The following TBK1 variants were observed in gnomAD, a reference collection of about 807,000 sequenced individuals.
TBK1 encodes the protein serine/threonine-protein kinase TBK1.
Under a neutral mutation model 99.9 loss-of-function variants are expected in TBK1, and 37 were observed. The ratio of observed to expected loss-of-function variants is 0.37; its 90% confidence interval spans 0.28 to 0.49. The LOEUF (loss-of-function observed/expected upper bound fraction) is 0.49, where lower values mean the gene tolerates loss of function less well. TBK1 is among the 20% of genes least tolerant of loss of function. The pLI is 0.98. For missense variants in TBK1, 644 were observed against 872.5 expected (o/e 0.74, Z 3.30); for synonymous variants, 258 against 279.8 (o/e 0.92, Z 0.78).
intron 5 of TBK1, among the ~76,000 whole-genome samples, chr12:64,468,518 A>G (rs1055926878): frequency 3.3e-5 from 5 of 152,068 alleles, no homozygotes; most frequent in African/African-American, 1.2e-4. Context: ...GTACCTAAAA[A>G]TGGATTTTAT....
At chr12:64,460,848 AAAAG>A (rs962153458) in intron 3 of TBK1, among the ~76,000 whole-genome samples, 8 of 151,584 alleles carry the variant, frequency 5.3e-5, no homozygotes, top group South Asian at 2.1e-4. Flanking sequence ...AAAAAAAAAA[AAAAG>A]AAAGGATCAT....
At chr12:64,483,047 G>A (rs1262411277) in intron 8 of TBK1, among the ~76,000 whole-genome samples, 1 of 152,194 alleles carries the variant, frequency 6.6e-6, no homozygotes, top group Non-Finnish European at 1.5e-5. Context: ...TCTTAGAACT[G>A]CATGTGAATC....
chr12:64,470,449 T>C (rs1007937705), intron 5 of TBK1, among the ~76,000 whole-genome samples: 3 of 152,206 alleles, frequency 2.0e-5, no homozygotes, highest in Non-Finnish European at 4.4e-5. Flanking sequence ...ATAACTCATG[T>C]TGTATTAGTG....
Position 64,469,500 on chromosome 12 carries a change from A to G in TBK1, c.540+2418A>G, listed in dbSNP as rs191433119. ...TCATTTCTCTGTTGGTGGTCTTCTC[A>G]GTTATATTTGGCTAGACCATGCTTT... On this transcript the variant is annotated intron_variant, in intron 5 of 20. Coordinates refer to ENST00000331710, the MANE Select transcript of TBK1 (RefSeq NM_013254.4). Among the ~76,000 whole-genome samples the G allele has an allele frequency of 2.6e-5, 4 of 152,272 alleles. No individual in the cohort carries two copies. The East Asian group carries it at 7.7e-4, about 29-fold the overall frequency.
In TBK1 at chr12:64,496,345, T is replaced by C. The variant is rs749532424; in HGVS notation, c.1721-22T>C. ...TATTATGATTCTATATTAACAACAG[T>C]AATATATTTTCCTATTTCTAGGATT... On this transcript the variant is annotated intron_variant, in intron 15 of 20. Transcript: ENST00000331710. The C allele has an allele frequency of 6.5e-6, 7 of 1,078,734 alleles. No homozygotes were observed. In the African/African-American group the frequency reaches 9.8e-5, roughly 15 times the overall value. 66.8% of individuals were successfully genotyped at this position (1,078,734 alleles called of 1,614,324 possible).
chr12:64,485,828 C>T (rs1040826697), intron 10 of TBK1, 98 bp from the exon 11 acceptor site: 17 of 778,278 alleles, frequency 2.2e-5, no homozygotes, highest in African/African-American at 5.4e-5. Flanking sequence ...TTTAATTAAC[C>T]TGATAAAAAT....
At chr12:64,499,505 A>AC (rs2040964791) in intron 20 of TBK1, among the ~76,000 whole-genome samples, 1 of 152,154 alleles carries the variant, frequency 6.6e-6, no homozygotes, top group Non-Finnish European at 1.5e-5. Context: ...TAGTGATGTC[A>AC]AACATCGTTT....
intron 7 of TBK1, 73 bp downstream of exon 7, chr12:64,480,195 T>TA (rs2040755434): frequency 2.1e-6 from 2 of 948,866 alleles, no homozygotes; most frequent in African/African-American, 3.3e-5. Context: ...GAACCACAGA[T>TA]ACTCAAATAC....
intron 5 of TBK1, among the ~76,000 whole-genome samples, chr12:64,468,083 G>T (rs1435838256): frequency 6.6e-6 from 1 of 152,088 alleles, no homozygotes; most frequent in Admixed American, 6.5e-5. Flanking sequence ...AGCTACTCAG[G>T]AGGCTGAGGC....
intron 10 of TBK1, 55 bp downstream of exon 10, chr12:64,485,568 A>G (rs946560861): frequency 2.7e-5 from 24 of 891,768 alleles, no homozygotes; most frequent in African/African-American, 1.4e-4. Context: ...TATCCTATCA[A>G]TAGTGGAAGC....
At position 64,481,884 on chromosome 12, in the gene TBK1, T is replaced by G. The variant is rs754873844; in HGVS notation, c.855T>G (p.Leu285=). 6.2e-7 allele frequency: 1 copy of G among 1,609,670 alleles called. No individual in the cohort carries two copies. Residue 285 remains leucine (L), a synonymous_variant, in exon 8 of 21, where the codon CTT becomes CTG. Transcript: ENST00000331710. ...TTACCCCTGTTCTTGCAAACATCCT[T>G]GAAGCAGATCAGGAAAAGTGTTGGG... ...VLLTPVLANI[L]EADQEKCWGF...
chr12:64,455,802 C>A, intron 1 of TBK1, 38 bp from the exon 2 acceptor site: 1 of 1,092,116 alleles, frequency 9.2e-7, no homozygotes, highest in South Asian at 1.4e-5. Flanking sequence ...CTGTGTTACT[C>A]CCTTAAAACA....
intron 5 of TBK1, among the ~76,000 whole-genome samples, chr12:64,469,481 C>T (rs2040640193): frequency 6.6e-6 from 1 of 152,200 alleles, no homozygotes; most frequent in Admixed American, 6.5e-5. Context: ...ATTCTCATTT[C>T]TCTGTTGGTG....
intron 4 of TBK1, among the ~76,000 whole-genome samples, chr12:64,465,229 AGC>A: frequency 7.0e-6 from 1 of 141,900 alleles, no homozygotes; most frequent in African/African-American, 2.6e-5. Context: ...TGGGCAACAA[AGC>A]AAGACTATCT....
At chr12:64,455,791 G>A in intron 1 of TBK1, 49 bp from the exon 2 acceptor site, 2 of 917,336 alleles carry the variant, frequency 2.2e-6, no homozygotes, top group Non-Finnish European at 3.4e-6. Flanking sequence ...TTGTTTCTTA[G>A]CTGTGTTACT....
chr12:64,455,357 A>G (rs1223863246), intron 1 of TBK1, among the ~76,000 whole-genome samples: 1 of 152,128 alleles, frequency 6.6e-6, no homozygotes, highest in East Asian at 1.9e-4. Context: ...ACTTACAGGG[A>G]AAAAATGTAA....
At chr12:64,499,745 G>A (rs921722740) in intron 20 of TBK1, among the ~76,000 whole-genome samples, 6 of 140,574 alleles carry the variant, frequency 4.3e-5, no homozygotes, top group Non-Finnish European at 7.6e-5. Flanking sequence ...GTCGCCAGGC[G>A]GGAGTGCAGT....
At chr12:64,496,926 C>G (rs1321426351) in intron 16 of TBK1, 23 bp from the exon 17 acceptor site, 1 of 1,551,858 alleles carries the variant, frequency 6.4e-7, no homozygotes, top group Non-Finnish European at 8.8e-7. Context: ...TGGTTTAAGC[C>G]TCTGATTATT....
intron 5 of TBK1, among the ~76,000 whole-genome samples, chr12:64,473,410 C>T (rs768952883): frequency 3.9e-5 from 6 of 152,006 alleles, no homozygotes; most frequent in Non-Finnish European, 8.8e-5. Flanking sequence ...GTTTTGTGGT[C>T]AATTTAGAGA....
Sources: allele counts gnomAD v4.1 joint callset (sites outside exome capture counted in the v4.1 genomes callset), GRCh38; gene constraint gnomAD v4.1.1; transcripts MANE v1.5; gene names NCBI Gene and HGNC (gene_info 2026-07-23, HGNC 2026-07-21).